Variants in MYO1C observed in about 807,000 individuals in gnomAD.
The protein encoded by MYO1C is unconventional myosin-Ic.
Under a neutral mutation model 150.8 loss-of-function variants are expected in MYO1C, and 104 were observed. The ratio of observed to expected loss-of-function variants is 0.69; its 90% CI spans 0.59 to 0.81. The LOEUF is 0.81. Among genes scored for constraint, MYO1C ranks in the 30% least tolerant of loss-of-function variants. MYO1C has a pLI of 0.00. For synonymous variants in MYO1C, 663 were observed against 579.9 expected, an observed-to-expected ratio of 1.14 and a Z score of -2.06; for missense variants, 1,504 against 1,435.0, an observed-to-expected ratio of 1.05 and a Z score of -0.78.
chr17:1,470,771 C>G, intron 21 of MYO1C, 82 bp from the exon 22 acceptor site: 3 of 1,411,376 alleles, frequency 2.1e-6, no homozygotes, highest in Non-Finnish European at 2.9e-6. Flanking sequence ...CCACGAGTGG[C>G]ATGAATGGGA....
At chr17:1,488,643 C>G (rs1019023614) in intron 1 of MYO1C, among the ~76,000 whole-genome samples, 2 of 152,226 alleles carry the variant, frequency 1.3e-5, no homozygotes, top group Non-Finnish European at 2.9e-5. Context: ...TGCCCTGAGC[C>G]TCTTTGTGCG....
In MYO1C at chr17:1,478,975, ACTGTTACTCTCTTC is replaced by A; in HGVS notation, c.1093-254_1093-241del. ...GAGGTGGGAGTCTGGTTCTAGCCGG[ACTGTTACTCTCTTC>A]CTATGTGACCCTGGCCAGCTCACTG... On this transcript the variant is annotated intron_variant, in intron 9 of 31. Coordinates refer to ENST00000648651, the MANE Select transcript of MYO1C (RefSeq NM_001080779.2). This position sits in a 1 kb window ranked among gnomAD's most constrained non-coding sequence, Gnocchi z 6.3. Among the ~76,000 whole-genome samples, 1 of 152,176 alleles carries A rather than the reference ACTGTTACTCTCTTC, an allele frequency of 6.6e-6. No homozygotes were observed. Among genetic ancestry groups the A allele is most frequent in the African/African-American group, 2.4e-5 (1 of 41,524 alleles).
At chr17:1,488,338 C>G (rs1415517596) in intron 1 of MYO1C, among the ~76,000 whole-genome samples, 1 of 152,198 alleles carries the variant, frequency 6.6e-6, no homozygotes, top group African/African-American at 2.4e-5. Flanking sequence ...CAGGGCGGCT[C>G]CAGCACTGGC....
Position 1,471,099 on chromosome 17 carries a change from A to G in MYO1C, c.2184T>C (p.Asp728=), listed in dbSNP as rs1278533338. 1 of 1,614,134 alleles carries G rather than the reference A, an allele frequency of 6.2e-7. No homozygotes were observed. The highest frequency in any genetic ancestry group is 1.1e-5 in the South Asian group (1 of 91,084). ...RFPKTLFATE[D]ALEVRRQSLA... is the part of the protein sequence containing the mutation. ...GGCTCTGCCGCCGGACCTCCAGGGC[A>G]TCCTCTGTGGCAAACAGGGTCTTGG... The change falls in exon 21 of 32, where the codon GAT becomes GAC. Residue 728 remains aspartate (D), a synonymous_variant. Transcript: ENST00000648651.
At chr17:1,483,447 A>T (rs1030115285) in intron 3 of MYO1C, among the ~76,000 whole-genome samples, 163 bp downstream of exon 3, 1 of 151,700 alleles carries the variant, frequency 6.6e-6, no homozygotes. Context: ...CATGGAGCTG[A>T]GTTGCGACAT....
At chr17:1,483,211 G>A (rs2074573591) in intron 3 of MYO1C, 152 bp from the exon 4 acceptor site, 3 of 779,160 alleles carry the variant, frequency 3.9e-6, no homozygotes, top group African/African-American at 1.7e-5. Context: ...GTGGGCCATG[G>A]GAGATCCGTC....
In MYO1C at chr17:1,479,538, C is replaced by A; in HGVS notation, c.1021-36G>T. The A allele has an allele frequency of 4.9e-6, 7 of 1,425,706 alleles. No individual in the cohort carries two copies. The highest frequency in any genetic ancestry group is 5.8e-6 in the Non-Finnish European group (6 of 1,030,460). 88.3% of individuals were successfully genotyped at this position (1,425,706 alleles called of 1,614,324 possible). ...CAGGCGAGGACACGGTGAGGGTGCACCCCCAGCCCCCGCCCCCGCCGTCCT... is the reference window on the plus strand; with the variant it reads ...CAGGCGAGGACACGGTGAGGGTGCAACCCCAGCCCCCGCCCCCGCCGTCCT... On this transcript the variant is annotated intron_variant, in intron 8 of 31. Transcript: ENST00000648651. This position sits in a 1 kb window ranked among gnomAD's most constrained non-coding sequence, Gnocchi z 4.2.
At chr17:1,474,784 C>T in intron 16 of MYO1C, 28 bp downstream of exon 16, 3 of 1,606,054 alleles carry the variant, frequency 1.9e-6, no homozygotes, top group Non-Finnish European at 2.6e-6. Flanking sequence ...TCCCCACCCC[C>T]ACCCCGGCCT....
At chr17:1,486,338 G>A (rs2074654914) in intron 1 of MYO1C, 1 of 152,280 alleles carries the variant, frequency 6.6e-6, no homozygotes, top group Admixed American at 6.5e-5. Flanking sequence ...CCCAGGGACA[G>A]GGACGGCCAA....
rs780401756 is a variant in MYO1C, at chr17:1,478,095, C to T, written c.1393G>A (p.Gly465Ser). The T allele has an allele frequency of 1.9e-6, 3 of 1,614,118 alleles. No individual in the cohort carries two copies. The highest frequency in any genetic ancestry group is 2.5e-6 in the Non-Finnish European group (3 of 1,180,042). Reference protein sequence around the residue: ...KSEQEEYEAEGIAWEPVQYFN... With the variant: ...KSEQEEYEAESIAWEPVQYFN... ...CCCAGGCTAGCACACACCGCGATGCCCTCTGCCTCGTACTCCTCCTGCTCC... is the reference window on the plus strand; with the variant it reads ...CCCAGGCTAGCACACACCGCGATGCTCTCTGCCTCGTACTCCTCCTGCTCC... The change falls in exon 12 of 32, where the codon GGC (glycine) becomes AGC (serine). Residue 465 changes from glycine (G) to serine (S), a missense_variant. Physicochemically the swap from Gly to Ser is moderately conservative, Grantham distance 56. Coordinates refer to ENST00000648651, the MANE Select transcript of MYO1C (RefSeq NM_001080779.2). The surrounding 1 kb of genome is among the most constrained non-coding windows in gnomAD (Gnocchi z 6.3).
At position 1,471,981 on chromosome 17, in the gene MYO1C, C is replaced by T. The variant is rs769212800; in HGVS notation, c.1947G>A (p.Leu649=). Residue 649 remains leucine, a synonymous_variant, in exon 19 of 32, where the codon CTG becomes CTA. Coordinates refer to ENST00000648651, the MANE Select transcript of MYO1C (RefSeq NM_001080779.2). ...GCACGCGCAGGTTTTCCAACAGCCCCAGGTACTTCACCTGGTGGCGGATCA... is the reference window on the plus strand; with the variant it reads ...GCACGCGCAGGTTTTCCAACAGCCCTAGGTACTTCACCTGGTGGCGGATCA... ...EVLIRHQVKY[L]GLLENLRVRR... The T allele has an allele frequency of 6.2e-7, 1 of 1,614,062 alleles. No individual in the cohort carries two copies. The highest frequency in any genetic ancestry group is 8.5e-7 in the Non-Finnish European group (1 of 1,179,994).
intron 5 of MYO1C, among the ~76,000 whole-genome samples, chr17:1,481,703 G>A (rs1028295033): frequency 1.3e-5 from 2 of 151,496 alleles, no homozygotes; most frequent in African/African-American, 4.9e-5. Flanking sequence ...GTTTCACCAT[G>A]TTGGCCAGGC....
At chr17:1,487,886 A>G (rs2358972) in intron 1 of MYO1C, among the ~76,000 whole-genome samples, 41,902 of 152,098 alleles carry the variant, frequency 0.28, 6,468 homozygotes, top group South Asian at 0.37. Context: ...GTGCCACTGC[A>G]CTCCAGCCTG....
At chr17:1,477,454 G>C (rs752105524) in intron 14 of MYO1C, 51 bp downstream of exon 14, 1 of 1,537,350 alleles carries the variant, frequency 6.5e-7, no homozygotes, top group Non-Finnish European at 9.0e-7. Context: ...CACTCCGCAG[G>C]CTCTGCTGCA....
chr17:1,466,787 C>T (rs887821285), intron 31 of MYO1C, among the ~76,000 whole-genome samples: 10 of 152,010 alleles, frequency 6.6e-5, no homozygotes, highest in East Asian at 1.9e-4. Context: ...CCACCACGCC[C>T]GGCTAATTTT....
In MYO1C at chr17:1,483,079, G is replaced by A. The variant is rs760394863; in HGVS notation, c.348-20C>T. The A allele has an allele frequency of 5.1e-6, 8 of 1,571,384 alleles. No individual in the cohort carries two copies. In the East Asian group the frequency reaches 9.3e-5, roughly 18 times the overall value. ...GCAAACCTGGGGCGGAGGCTCGTCA[G>A]GGAGTTTGGGGAGGGGGGCCAAGCA... On this transcript the variant is annotated intron_variant, in intron 3 of 31. Transcript: ENST00000648651.
chr17:1,478,592 G>A lies in MYO1C; in HGVS notation c.1212+24C>T. ...CCGACGGCCCTCCCTTCTGCCTTGG[G>A]AGCAGTGTGGACCGAGCCCTCACCT... On this transcript the variant is annotated intron_variant, in intron 10 of 31. Coordinates refer to ENST00000648651, the MANE Select transcript of MYO1C (RefSeq NM_001080779.2). This position sits in a 1 kb window ranked among gnomAD's most constrained non-coding sequence, Gnocchi z 6.3. 6.2e-7 allele frequency: 1 copy of A among 1,613,952 alleles called. No individual in the cohort carries two copies. Among genetic ancestry groups the A allele is most frequent in the Non-Finnish European group, 8.5e-7 (1 of 1,179,954 alleles).
chr17:1,467,416 C>T, intron 30 of MYO1C, 64 bp downstream of exon 30: 1 of 1,596,146 alleles, frequency 6.3e-7, no homozygotes. Flanking sequence ...CCACCCTGTC[C>T]CTGGGTGCCC....
At chr17:1,474,903 A>C in intron 15 of MYO1C, 35 bp downstream of exon 15, 1 of 1,612,482 alleles carries the variant, frequency 6.2e-7, no homozygotes, top group Non-Finnish European at 8.5e-7. Context: ...GCCTCCCCGC[A>C]GGCCCCTGTG....
Sources: allele counts gnomAD v4.1 joint callset (sites outside exome capture counted in the v4.1 genomes callset), GRCh38; gene constraint gnomAD v4.1.1; non-coding constraint Gnocchi (gnomAD v3.1); transcripts MANE v1.5; gene names NCBI Gene and HGNC (gene_info 2026-07-23, HGNC 2026-07-21).